Variants in ZNF614 observed in about 807,000 individuals in gnomAD.
The protein encoded by ZNF614 is zinc finger protein 614.
Under a neutral mutation model 12.8 loss-of-function variants are expected in ZNF614, and 11 were observed. The ratio of observed to expected loss-of-function variants is 0.86; its 90% confidence interval spans 0.54 to 1.43. The LOEUF (loss-of-function observed/expected upper bound fraction) is 1.43. ZNF614 is among the 40% of genes most tolerant of loss of function. ZNF614 has a pLI of 0.00. For missense variants in ZNF614, 664 were observed against 708.8 expected, an observed-to-expected ratio of 0.94 and a Z score of 0.72; for synonymous variants, 237 against 237.5, an observed-to-expected ratio of 1.00 and a Z score of 0.02.
intron 1 of ZNF614, among the ~76,000 whole-genome samples, chr19:52,026,668 C>A (rs921244186): frequency 6.6e-6 from 1 of 152,138 alleles, no homozygotes; most frequent in Non-Finnish European, 1.5e-5. Context: ...AAGAGGAAGG[C>A]CTCTTTGCGG....
rs1307563644 is a variant in ZNF614, at chr19:52,018,097, T to G, written c.149A>C (p.Gln50Pro). 6.2e-7 allele frequency: 1 copy of G among 1,613,806 alleles called. No homozygotes were observed. The highest frequency in any genetic ancestry group is 1.1e-5 in the South Asian group (1 of 91,072). ...NYNHLVSLGYQTSKPDVLSKL... is the reference protein window; with the variant it reads ...NYNHLVSLGYPTSKPDVLSKL... ...GGAGAGTACATCTGGTTTGCTAGTT[T>G]GATACCCTGTTCATGAGGAAAGACA... Residue 50 changes from glutamine to proline, a missense_variant, in exon 4 of 5, where the codon CAA (glutamine) becomes CCA (proline). Coordinates refer to ENST00000270649, the MANE Select transcript of ZNF614 (RefSeq NM_025040.4).
rs2086897290 is a variant in ZNF614 at position 52,016,359 on chromosome 19, A to T, written c.1239T>A (p.Thr413=). 3 of 1,613,056 alleles carry T rather than the reference A, an allele frequency of 1.9e-6. No homozygotes were observed. The highest frequency in any genetic ancestry group is 2.7e-5 in the African/African-American group (2 of 74,884). ...ECGKGFTVKR[T]LVIHQRTHTG... ...TATGAGTTCGCTGATGTATAACGAGAGTGCGTTTGACAGTGAAGCCTTTTC... is the reference window on the plus strand; with the variant it reads ...TATGAGTTCGCTGATGTATAACGAGTGTGCGTTTGACAGTGAAGCCTTTTC... Residue 413 remains threonine (T), a synonymous_variant, in exon 5 of 5, where the codon ACT becomes ACA. Transcript: ENST00000270649.
chr19:52,027,689 A>G (rs1450965191), intron 1 of ZNF614, among the ~76,000 whole-genome samples: 1 of 152,218 alleles, frequency 6.6e-6, no homozygotes, highest in Non-Finnish European at 1.5e-5. Context: ...CAATAATAAT[A>G]TAAGGGTGTA....
At chr19:52,022,770 T>C (rs912894904) in intron 2 of ZNF614, among the ~76,000 whole-genome samples, 27 of 151,806 alleles carry the variant, frequency 1.8e-4, no homozygotes, top group African/African-American at 6.5e-4. Flanking sequence ...TGGTACCTAG[T>C]TAATAATAGA....
chr19:52,016,849 A>G lies in ZNF614; in HGVS notation c.749T>C (p.Leu250Pro). Residue 250 changes from leucine to proline, a missense_variant, in exon 5 of 5, where the codon CTG (leucine) becomes CCG (proline). Coordinates refer to ENST00000270649, the MANE Select transcript of ZNF614 (RefSeq NM_025040.4). ...LSRSVLFTKH[L>P]KTNTTDKICI... ...GATTTTGTCTGTTGTATTAGTTTTCAGATGCTTAGTGAACAGGACACTTCT... is the reference window on the plus strand; with the variant it reads ...GATTTTGTCTGTTGTATTAGTTTTCGGATGCTTAGTGAACAGGACACTTCT... 11 of 1,613,780 alleles carry G rather than the reference A, an allele frequency of 6.8e-6. No homozygotes were observed. Among genetic ancestry groups the G allele is most frequent in the Non-Finnish European group, 9.3e-6 (11 of 1,180,018 alleles).
chr19:52,025,262 T>C (rs982158564), intron 2 of ZNF614, among the ~76,000 whole-genome samples: 12 of 152,202 alleles, frequency 7.9e-5, no homozygotes, highest in African/African-American at 2.9e-4. Flanking sequence ...TCATGTATCA[T>C]TGTAATGGTC....
Position 52,017,011 on chromosome 19 carries a change from T to C in ZNF614, c.587A>G (p.Gln196Arg). The change falls in exon 5 of 5, where the codon CAG (glutamine) becomes CGG (arginine). Residue 196 changes from glutamine to arginine, a missense_variant. Transcript: ENST00000270649. ...GGGTTTCTCAATTTTCTGAGTCCTC[T>C]GATGCTTGAAGACTTGGAATTTAGT... ...IHTKFQVFKH[Q>R]RTQKIEKPHA... 1 of 1,614,014 alleles carries C rather than the reference T, an allele frequency of 6.2e-7. No homozygotes were observed. The highest frequency in any genetic ancestry group is 1.7e-5 in the Admixed American group (1 of 60,014).
rs781713846 is a variant in ZNF614, at chr19:52,016,940, G to A, written c.658C>T (p.Leu220Phe). Residue 220 changes from leucine (L) to phenylalanine (F), a missense_variant, in exon 5 of 5, where the codon CTC (leucine) becomes TTC (phenylalanine). Leu to Phe is a conservative substitution (Grantham distance 22, BLOSUM62 0). Coordinates refer to ENST00000270649, the MANE Select transcript of ZNF614 (RefSeq NM_025040.4). ...CEQTFLRKSQLIYHENICIQE... is the reference protein window; with the variant it reads ...CEQTFLRKSQFIYHENICIQE... ...ATACAAATGTTCTCATGGTAAATGAGCTGAGACTTCCTAAGGAAGGTTTGC... is the reference window on the plus strand; with the variant it reads ...ATACAAATGTTCTCATGGTAAATGAACTGAGACTTCCTAAGGAAGGTTTGC... The A allele has an allele frequency of 6.2e-7, 1 of 1,613,794 alleles. No homozygotes were observed. Among genetic ancestry groups the A allele is most frequent in the Admixed American group, 1.7e-5 (1 of 60,004 alleles).
chr19:52,026,267 A>G (rs1201996317), intron 1 of ZNF614, among the ~76,000 whole-genome samples: 3 of 152,244 alleles, frequency 2.0e-5, no homozygotes, highest in Non-Finnish European at 4.4e-5. Context: ...AGAAGTAGAC[A>G]TAAGAGGCTC....
rs1264818633 is a variant in ZNF614, at chr19:52,016,583, C to A, written c.1015G>T (p.Gly339Trp). 1.9e-6 allele frequency: 3 copies of A among 1,614,164 alleles called. No individual in the cohort carries two copies. Among genetic ancestry groups the A allele is most frequent in the African/African-American group, 2.7e-5 (2 of 75,040 alleles). ...TCACTGCATATATAGGGTTTCTCCC[C>A]TGTATGAGTTCGCTGATGTACAATG... Reference protein sequence around the residue: ...NLIVHQRTHTGEKPYICSECG... With the variant: ...NLIVHQRTHTWEKPYICSECG... Residue 339 changes from glycine (G) to tryptophan (W), a missense_variant, in exon 5 of 5, where the codon GGG (glycine) becomes TGG (tryptophan). Transcript: ENST00000270649.
intron 1 of ZNF614, among the ~76,000 whole-genome samples, chr19:52,027,622 A>G (rs536319322): frequency 2.0e-5 from 3 of 152,318 alleles, no homozygotes; most frequent in Admixed American, 2.0e-4. Context: ...ACTGATATCC[A>G]ATAAAACTCT....
At chr19:52,017,425 C>T (rs1465632781) in intron 4 of ZNF614, 66 bp from the exon 5 acceptor site, 14 of 1,446,024 alleles carry the variant, frequency 9.7e-6, no homozygotes, top group South Asian at 5.5e-5. Flanking sequence ...CTTATGAGGC[C>T]GGGCACGGTG....
At chr19:52,022,592 A>AT (rs1016733702) in intron 2 of ZNF614, among the ~76,000 whole-genome samples, 1 of 150,290 alleles carries the variant, frequency 6.7e-6, no homozygotes, top group African/African-American at 2.4e-5. Context: ...AGAATATATA[A>AT]TTTAAAAAAA....
In ZNF614 at chr19:52,017,166, G is replaced by C. The variant is rs765845497; in HGVS notation, c.432C>G (p.Ile144Met). The change falls in exon 5 of 5, where the codon ATC (isoleucine) becomes ATG (methionine). Residue 144 changes from isoleucine to methionine, a missense_variant. Coordinates refer to ENST00000270649, the MANE Select transcript of ZNF614 (RefSeq NM_025040.4). ...RKNLKSSLSL[I>M]NQKRRHGINN... The stretch of plus-strand genomic sequence containing the variant: ...TTATTCCATGTCTTCTCTTCTGGTT[G>C]ATTAAACTTAAACTTGATTTCAAAT... 6.2e-7 allele frequency: 1 copy of C among 1,614,130 alleles called. No homozygotes were observed. Among genetic ancestry groups the C allele is most frequent in the Non-Finnish European group, 8.5e-7 (1 of 1,180,022 alleles).
At chr19:52,022,631 G>T (rs971040452) in intron 2 of ZNF614, among the ~76,000 whole-genome samples, 10 of 150,602 alleles carry the variant, frequency 6.6e-5, no homozygotes, top group African/African-American at 2.4e-4. Context: ...CTCTTAAGAT[G>T]CCAGTCACAA....
chr19:52,020,559 T>C (rs1440037049), intron 2 of ZNF614, among the ~76,000 whole-genome samples: 1 of 152,184 alleles, frequency 6.6e-6, no homozygotes, highest in Non-Finnish European at 1.5e-5. Flanking sequence ...TGTCCAGAGA[T>C]TTTATTGAGA....
rs2086897700 is a variant in ZNF614, at chr19:52,016,407, T to C, written c.1191A>G (p.Lys397=). The C allele has an allele frequency of 6.2e-7, 1 of 1,614,162 alleles. No individual in the cohort carries two copies. The highest frequency in any genetic ancestry group is 1.1e-5 in the South Asian group (1 of 91,078). The change falls in exon 5 of 5, where the codon AAA becomes AAG. Residue 397 remains lysine (K), a synonymous_variant. Coordinates refer to ENST00000270649, the MANE Select transcript of ZNF614 (RefSeq NM_025040.4). ...IVHQRSHTGE[K]SYICSECGKG... ...TTCCACATTCGCTGCATATGTAAGA[T>C]TTTTCTCCTGTGTGGGAGCGCTGAT...
intron 2 of ZNF614, among the ~76,000 whole-genome samples, chr19:52,023,750 T>C (rs2086950515): frequency 6.6e-6 from 1 of 152,154 alleles, no homozygotes; most frequent in Admixed American, 6.5e-5. Flanking sequence ...AAAATAAATA[T>C]ACATTTGGTC....
chr19:52,020,462 T>A (rs2086926328), intron 2 of ZNF614, among the ~76,000 whole-genome samples: 1 of 152,250 alleles, frequency 6.6e-6, no homozygotes, highest in African/African-American at 2.4e-5. Context: ...CCTCATGGAA[T>A]CCTTGGTGGC....
Sources: allele counts gnomAD v4.1 joint callset (sites outside exome capture counted in the v4.1 genomes callset), GRCh38; gene constraint gnomAD v4.1.1; transcripts MANE v1.5; gene names NCBI Gene and HGNC (gene_info 2026-07-23, HGNC 2026-07-21).